CMTR1: variants seen among roughly 807,000 people sequenced by gnomAD.
CMTR1 encodes cap methyltransferase 1.
In CMTR1, 39 loss-of-function variants were observed where a neutral mutation model predicts 107.0. That is an observed-to-expected ratio of 0.36 (90% CI 0.28 to 0.48). The LOEUF is 0.48. Among genes scored for constraint, CMTR1 ranks in the 20% least tolerant of loss-of-function variants. The pLI is 0.99. For missense variants in CMTR1, 672 were observed against 1,064.9 expected, an observed-to-expected ratio of 0.63 and a Z score of 5.14; for synonymous variants, 366 against 379.5, an observed-to-expected ratio of 0.96 and a Z score of 0.41.
chr6:37,434,896 G>A (rs568007192), intron 1 of CMTR1, among the ~76,000 whole-genome samples: 1 of 152,328 alleles, frequency 6.6e-6, no homozygotes. Context: ...ACAGGCGTGA[G>A]CCACCGCGCC....
chr6:37,475,969 G>C (rs1761727906), intron 19 of CMTR1, 157 bp from the exon 20 acceptor site: 1 of 673,054 alleles, frequency 1.5e-6, no homozygotes, highest in Non-Finnish European at 2.7e-6. Flanking sequence ...GAGAAGGGCA[G>C]GGCGGGCTTC....
intron 6 of CMTR1, among the ~76,000 whole-genome samples, 161 bp from the exon 7 acceptor site, chr6:37,452,886 G>A (rs1761213029): frequency 6.6e-6 from 1 of 152,000 alleles, no homozygotes. Flanking sequence ...GTAGTTGAGA[G>A]AGTTATTGAG....
chr6:37,444,211 T>C, intron 3 of CMTR1, 61 bp downstream of exon 3: 1 of 1,564,304 alleles, frequency 6.4e-7, no homozygotes, highest in Non-Finnish European at 8.6e-7. Flanking sequence ...GAAGGGCAAT[T>C]TGTATTTGTA....
At chr6:37,452,402 A>G (rs1276681962) in intron 6 of CMTR1, among the ~76,000 whole-genome samples, 1 of 152,196 alleles carries the variant, frequency 6.6e-6, no homozygotes, top group East Asian at 1.9e-4. Context: ...TGAGAATCAC[A>G]TTGTGTGTGG....
chr6:37,441,038 G>C, intron 2 of CMTR1, among the ~76,000 whole-genome samples: 1 of 152,288 alleles, frequency 6.6e-6, no homozygotes, highest in Admixed American at 6.5e-5. Context: ...ATTGTAGCTT[G>C]TGATTAGTCA....
At chr6:37,478,829 G>A (rs567241404) in intron 22 of CMTR1, among the ~76,000 whole-genome samples, 1 of 152,278 alleles carries the variant, frequency 6.6e-6, no homozygotes, top group Admixed American at 6.5e-5. Flanking sequence ...AGTCAAGCTT[G>A]GTTTCTGTCC....
chr6:37,425,406 C>T, the CMTR1 span, among the ~76,000 whole-genome samples: 589 of 151,488 alleles, frequency 3.9e-3, 3 homozygotes, highest in African/African-American at 0.014. Flanking sequence ...AAACAATTCT[C>T]GTGCCTCAGC....
chr6:37,443,523 T>G (rs1384680835), intron 2 of CMTR1, among the ~76,000 whole-genome samples: 2 of 152,012 alleles, frequency 1.3e-5, no homozygotes, highest in East Asian at 3.9e-4. Context: ...CCCAGCTAAT[T>G]TTTGTATTTT....
rs890390153 is a variant in CMTR1, at chr6:37,478,443, A to G, written c.2188A>G (p.Thr730Ala). The G allele has an allele frequency of 4.7e-5, 76 of 1,613,800 alleles. No individual in the cohort carries two copies. The highest frequency in any genetic ancestry group is 6.4e-5 in the Non-Finnish European group (76 of 1,179,958). Residue 730 changes from threonine to alanine, a missense_variant, in exon 22 of 24, where the codon ACC (threonine) becomes GCC (alanine). Physicochemically the swap from Thr to Ala is moderately conservative, Grantham distance 58 (BLOSUM62 0). Coordinates refer to ENST00000373451, the MANE Select transcript of CMTR1 (RefSeq NM_015050.3). ...GAAGATCATCAAGGGCTCCAGTGGC[A>G]CCCCAAAGCTCAGCTACACAGGGCG... ...EMKIIKGSSG[T>A]PKLSYTGRDD...
chr6:37,431,012 CAAAAAAA>C (rs34543353), upstream of CMTR1, among the ~76,000 whole-genome samples: 2 of 50,368 alleles, frequency 4.0e-5, no homozygotes, highest in East Asian at 6.0e-4. Flanking sequence ...GACTCCGTCT[CAAAAAAA>C]AAAAAAAAAA....
chr6:37,447,530 C>T (rs1445517544), intron 4 of CMTR1, among the ~76,000 whole-genome samples: 1 of 152,210 alleles, frequency 6.6e-6, no homozygotes, highest in Non-Finnish European at 1.5e-5. Context: ...TTCAGTGGGG[C>T]AGAAGTTGAA....
chr6:37,469,933 A>G (rs539373127), intron 13 of CMTR1, among the ~76,000 whole-genome samples: 1 of 139,862 alleles, frequency 7.1e-6, no homozygotes, highest in African/African-American at 2.8e-5. Context: ...TTTTTTTTTC[A>G]CTTTTTTTCC....
At chr6:37,442,771 T>A (rs1414465731) in intron 2 of CMTR1, among the ~76,000 whole-genome samples, 1 of 152,238 alleles carries the variant, frequency 6.6e-6, no homozygotes, top group Non-Finnish European at 1.5e-5. Context: ...TTCAGAATTA[T>A]AATGTATTCT....
chr6:37,463,033 T>C, intron 13 of CMTR1, 25 bp downstream of exon 13: 1 of 1,609,584 alleles, frequency 6.2e-7, no homozygotes, highest in South Asian at 1.1e-5. Context: ...TGGTTTTTGC[T>C]GGTAACACTG....
chr6:37,442,398 A>G (rs1452366344), intron 2 of CMTR1, among the ~76,000 whole-genome samples: 1 of 152,252 alleles, frequency 6.6e-6, no homozygotes, highest in African/African-American at 2.4e-5. Flanking sequence ...TCAAGGAGTC[A>G]TATACTCTGT....
intron 2 of CMTR1, among the ~76,000 whole-genome samples, chr6:37,442,147 A>C (rs944394687): frequency 6.6e-6 from 1 of 152,254 alleles, no homozygotes; most frequent in Non-Finnish European, 1.5e-5. Context: ...ACTTTTGCAC[A>C]GTACCCCATT....
intron 13 of CMTR1, among the ~76,000 whole-genome samples, chr6:37,466,006 A>AT (rs1407829822): frequency 1.3e-5 from 2 of 149,144 alleles, no homozygotes; most frequent in African/African-American, 4.9e-5. Context: ...CAATTTACCA[A>AT]TTTTTTTCTT....
At chr6:37,429,085 G>T (rs189397131), upstream of CMTR1, among the ~76,000 whole-genome samples, 2 of 152,178 alleles carry the variant, frequency 1.3e-5, no homozygotes, top group Admixed American at 1.3e-4. Flanking sequence ...CCCTGAGGCT[G>T]TATTCACTTT....
In CMTR1 at chr6:37,472,754, G is replaced by A. The variant is rs1017380759; in HGVS notation, c.1689+267G>A. Reference sequence around the variant, plus strand: ...TGCCACCCAAAGGGTGGTTCTGGCTGTGTCACCCTGGCAAGTTCAGGGTCC... The same window carrying A: ...TGCCACCCAAAGGGTGGTTCTGGCTATGTCACCCTGGCAAGTTCAGGGTCC... On this transcript the variant is annotated intron_variant, in intron 16 of 23. Coordinates refer to ENST00000373451, the MANE Select transcript of CMTR1 (RefSeq NM_015050.3). This position sits in a 1 kb window ranked among gnomAD's most constrained non-coding sequence, Gnocchi z 4.1. Among the ~76,000 whole-genome samples, 1 of 152,254 alleles carries A rather than the reference G, an allele frequency of 6.6e-6. No homozygotes were observed. Among genetic ancestry groups the A allele is most frequent in the African/African-American group, 2.4e-5 (1 of 41,470 alleles).
Sources: gnomAD v4.1 joint callset for allele counts (sites outside exome capture counted in the v4.1 genomes callset) on GRCh38, gnomAD v4.1.1 for gene constraint, Gnocchi (gnomAD v3.1) non-coding constraint, MANE v1.5 for transcripts, NCBI Gene and HGNC (gene_info 2026-07-23, HGNC 2026-07-21) for gene names.